The following RALGPS2 variants were observed in gnomAD, a reference collection of about 807,000 sequenced individuals.
RALGPS2 encodes the protein Ral GEF with PH domain and SH3 binding motif 2.
A neutral mutation model predicts 86.8 loss-of-function variants in RALGPS2; 43 were observed. The observed-to-expected ratio is 0.50, with a 90% confidence interval of 0.39 to 0.64. The LOEUF (loss-of-function observed/expected upper bound fraction) is 0.64. Ranked by LOEUF, RALGPS2 falls within the 30% of genes least tolerant of loss-of-function variation. The pLI, the probability that RALGPS2 is intolerant of heterozygous loss-of-function variation, is 0.00. For synonymous variants in RALGPS2, 243 were observed against 231.3 expected (o/e 1.05, Z -0.46); for missense variants, 536 against 694.6 (o/e 0.77, Z 2.57).
At chr1:178,783,058 G>A (rs1653471103) in intron 2 of RALGPS2, among the ~76,000 whole-genome samples, 1 of 152,064 alleles carries the variant, frequency 6.6e-6, no homozygotes, top group South Asian at 2.1e-4. Context: ...ATCAGACTGG[G>A]AGTTAAAATT....
intron 8 of RALGPS2, among the ~76,000 whole-genome samples, chr1:178,845,282 G>T (rs6668542): frequency 6.6e-6 from 1 of 151,748 alleles, no homozygotes; most frequent in Non-Finnish European, 1.5e-5. Flanking sequence ...CCTTTTTCCT[G>T]TTGGAGAGAG....
At chr1:178,736,135 A>G (rs1405489595) in intron 1 of RALGPS2, among the ~76,000 whole-genome samples, 1 of 150,502 alleles carries the variant, frequency 6.6e-6, no homozygotes, top group East Asian at 1.9e-4. Context: ...GTGTTATGTA[A>G]TAAGTGCTCT....
At chr1:178,893,209 A>G (rs1659790482) in intron 15 of RALGPS2, among the ~76,000 whole-genome samples, 1 of 151,856 alleles carries the variant, frequency 6.6e-6, no homozygotes, top group East Asian at 1.9e-4. Context: ...CCTTAAATCA[A>G]TTAGGGAAAG....
At chr1:178,777,090 A>G (rs952284841) in intron 2 of RALGPS2, among the ~76,000 whole-genome samples, 10 of 134,968 alleles carry the variant, frequency 7.4e-5, no homozygotes, top group South Asian at 3.0e-4. Context: ...TCCCAATGCT[A>G]TCCCTCCCCC....
chr1:178,837,719 C>G (rs1166029661), intron 8 of RALGPS2, among the ~76,000 whole-genome samples: 2 of 152,184 alleles, frequency 1.3e-5, no homozygotes, highest in Non-Finnish European at 2.9e-5. Flanking sequence ...CGAGCCGAAG[C>G]AGGGCGAGGC....
intron 7 of RALGPS2, among the ~76,000 whole-genome samples, chr1:178,828,010 A>G (rs937425916): frequency 6.6e-5 from 10 of 152,214 alleles, no homozygotes; most frequent in Admixed American, 3.3e-4. Flanking sequence ...CTGTAAAACT[A>G]CTAGAAGAAA....
rs1167112278 is a variant in RALGPS2 at position 178,808,229 on chromosome 1, T to G, written c.297+101T>G. On this transcript the variant is annotated intron_variant, in intron 5 of 19. Transcript: ENST00000367635. ...ACTTTTTACATCAGTTCTGGAATAT[T>G]TTCAGCCAGTATCTCTCAAGTATTG... The G allele has an allele frequency of 4.9e-6, 4 of 813,830 alleles. No homozygotes were observed. In the South Asian group the frequency reaches 6.3e-5, roughly 13 times the overall value. The allele number at this position is 813,830 out of a possible 1,614,324, so 50.4% of individuals were successfully genotyped here.
At chr1:178,790,219 T>G (rs866461097) in intron 4 of RALGPS2, among the ~76,000 whole-genome samples, 6 of 152,196 alleles carry the variant, frequency 3.9e-5, no homozygotes, top group African/African-American at 1.4e-4. Flanking sequence ...GCCAAAGTGC[T>G]GGGTTACAGG....
At chr1:178,893,539 C>T (rs1659809924) in intron 15 of RALGPS2, among the ~76,000 whole-genome samples, 1 of 150,342 alleles carries the variant, frequency 6.7e-6, no homozygotes, top group Non-Finnish European at 1.5e-5. Context: ...ATTTTTCCTA[C>T]CAGGACTTAA....
At chr1:178,915,318 C>G (rs1223543629) in intron 19 of RALGPS2, among the ~76,000 whole-genome samples, 2 of 152,198 alleles carry the variant, frequency 1.3e-5, no homozygotes, top group Non-Finnish European at 2.9e-5. Context: ...TCACTGCAAC[C>G]TCTGCCTCCC....
chr1:178,837,504 T>G (rs1269264760), intron 8 of RALGPS2, among the ~76,000 whole-genome samples: 6 of 152,164 alleles, frequency 3.9e-5, no homozygotes, highest in Non-Finnish European at 7.3e-5. Context: ...TAGTAAAATG[T>G]ATGTGTCTGA....
intron 11 of RALGPS2, among the ~76,000 whole-genome samples, chr1:178,884,256 C>T (rs2102376314): frequency 6.6e-6 from 1 of 151,994 alleles, no homozygotes; most frequent in East Asian, 1.9e-4. Flanking sequence ...TAATACTAGA[C>T]CAAGTATTAA....
intron 7 of RALGPS2, among the ~76,000 whole-genome samples, chr1:178,828,434 T>G (rs927500831): frequency 6.6e-6 from 1 of 152,238 alleles, no homozygotes; most frequent in Non-Finnish European, 1.5e-5. Flanking sequence ...ACGGTGGTAT[T>G]TGTATATTTA....
intron 19 of RALGPS2, among the ~76,000 whole-genome samples, chr1:178,913,562 A>C (rs1016494175): frequency 6.6e-6 from 1 of 152,170 alleles, no homozygotes; most frequent in Non-Finnish European, 1.5e-5. Context: ...TGGTTTTTAG[A>C]GTTGCTAGAG....
chr1:178,856,234 T>TATATATATACAC (rs1368301659), intron 8 of RALGPS2, among the ~76,000 whole-genome samples: 5 of 128,770 alleles, frequency 3.9e-5, no homozygotes, highest in African/African-American at 1.3e-4. Context: ...TATATATATA[T>TATATATATACAC]GGTTTTGGGT....
intron 4 of RALGPS2, among the ~76,000 whole-genome samples, chr1:178,791,006 T>A (rs189205591): frequency 1.1e-3 from 170 of 152,268 alleles, no homozygotes; most frequent in African/African-American, 3.8e-3. Context: ...ACTAGTAAAT[T>A]AATTTTATGT....
chr1:178,747,172 G>A (rs1340873880), intron 1 of RALGPS2: 23 of 1,041,758 alleles, frequency 2.2e-5, no homozygotes, highest in Non-Finnish European at 3.5e-5. Flanking sequence ...CCAGAGAGAA[G>A]GTGCTGGAGC....
At chr1:178,883,084 T>G (rs1340311542) in intron 10 of RALGPS2, among the ~76,000 whole-genome samples, 1 of 152,222 alleles carries the variant, frequency 6.6e-6, no homozygotes, top group Non-Finnish European at 1.5e-5. Context: ...GGGAGATTTT[T>G]GTGTTTTTAA....
intron 14 of RALGPS2, among the ~76,000 whole-genome samples, chr1:178,890,178 T>G (rs1204799505): frequency 6.6e-6 from 1 of 151,900 alleles, no homozygotes; most frequent in East Asian, 1.9e-4. Context: ...AGAGTACACT[T>G]TTATACTGAA....
Sources: gnomAD v4.1 joint callset for allele counts (sites outside exome capture counted in the v4.1 genomes callset) on GRCh38, gnomAD v4.1.1 for gene constraint, MANE v1.5 for transcripts, NCBI Gene and HGNC (gene_info 2026-07-23, HGNC 2026-07-21) for gene names.